Variants in DPYSL5 observed in about 807,000 individuals in gnomAD.
DPYSL5 encodes the protein dihydropyrimidinase like 5.
DPYSL5 carries 9 observed loss-of-function variants against 58.4 expected under a neutral mutation model. The observed-to-expected ratio is 0.15, with a 90% CI of 0.09 to 0.27. The LOEUF (loss-of-function observed/expected upper bound fraction) is 0.27, where lower values mean the gene tolerates loss of function less well. Among genes scored for constraint, DPYSL5 ranks in the 10% least tolerant of loss-of-function variants. The pLI is 1.00. For missense variants in DPYSL5, 499 were observed against 770.6 expected (o/e 0.65, Z 4.17); for synonymous variants, 293 against 301.9 (o/e 0.97, Z 0.31).
rs79702299 is a variant in DPYSL5 at position 26,921,990 on chromosome 2, G to C, written c.262-2897G>C. Among the ~76,000 whole-genome samples, 125 of 152,184 alleles carry C rather than the reference G, an allele frequency of 8.2e-4. 2 individuals are homozygous for C. The East Asian group carries it at 0.023, about 28-fold the overall frequency. ...TCCTGTCCTTAGACCCAGGCAAAAG[G>C]GGCCTCTTCCCAGGGCTCTGGACTT... is the stretch of plus-strand genomic sequence containing the variant. On this transcript the variant is annotated intron_variant, in intron 2 of 12. Coordinates refer to ENST00000288699, the MANE Select transcript of DPYSL5 (RefSeq NM_020134.4).
At position 26,924,749 on chromosome 2, in the gene DPYSL5, C is replaced by T. The variant is rs1227067674; in HGVS notation, c.262-138C>T. 8.0e-7 allele frequency: 1 copy of T among 1,252,976 alleles called. No homozygotes were observed. The highest frequency in any genetic ancestry group is 1.1e-6 in the Non-Finnish European group (1 of 938,538). The allele number at this position is 1,252,976 out of a possible 1,614,324, so 77.6% of individuals were successfully genotyped here. ...ACATGGCTCTTTACAGTTTCCCAAA[C>T]CTCGCTGCCCTTGGTCCTCACAGCC... On this transcript the variant is annotated intron_variant, in intron 2 of 12. Transcript: ENST00000288699. This position sits in a 1 kb window ranked among gnomAD's most constrained non-coding sequence, Gnocchi z 4.7.
chr2:26,930,975 GA>G (rs1195080886), intron 5 of DPYSL5, among the ~76,000 whole-genome samples: 1,715 of 129,564 alleles, frequency 0.013, 13 homozygotes, highest in Non-Finnish European at 0.02. Context: ...CTCCGTCTGG[GA>G]AAAAAAAAAA....
At chr2:26,853,882 T>TA (rs1004363031) in intron 1 of DPYSL5, among the ~76,000 whole-genome samples, 2 of 151,566 alleles carry the variant, frequency 1.3e-5, no homozygotes, top group African/African-American at 2.4e-5. Context: ...CTACAAAAGT[T>TA]AAAAAAAATT....
At chr2:26,932,938 C>T (rs1665068826) in intron 6 of DPYSL5, among the ~76,000 whole-genome samples, 1 of 152,144 alleles carries the variant, frequency 6.6e-6, no homozygotes, top group South Asian at 2.1e-4. Flanking sequence ...AAGAGTTCCC[C>T]CCTTTTAAAT....
chr2:26,943,767 T>C (rs1261592107), intron 11 of DPYSL5, among the ~76,000 whole-genome samples: 1 of 152,180 alleles, frequency 6.6e-6, no homozygotes, highest in African/African-American at 2.4e-5. Context: ...AGTTTACAAG[T>C]GACAGAGTTG....
At chr2:26,928,065 G>T (rs1302572110) in intron 4 of DPYSL5, among the ~76,000 whole-genome samples, 190 bp from the exon 5 acceptor site, 1 of 152,208 alleles carries the variant, frequency 6.6e-6, no homozygotes, top group Non-Finnish European at 1.5e-5. Flanking sequence ...AGAATCAGGA[G>T]AGCCCCACTG....
rs1664074177 is a variant in DPYSL5, at chr2:26,898,567, C to A, written c.68C>A (p.Thr23Asn). Reference sequence around the variant, plus strand: ...GGCAAGGTGGTGAACGATGACTGCACCCACGAGGCTGACGTCTACATCGAG... The same window carrying A: ...GGCAAGGTGGTGAACGATGACTGCAACCACGAGGCTGACGTCTACATCGAG... ...KGGKVVNDDC[T>N]HEADVYIENG... is the part of the protein sequence containing the mutation. The change falls in exon 2 of 13, where the codon ACC becomes AAC. Residue 23 changes from threonine (T) to asparagine (N), a missense_variant. This residue lies in a region of DPYSL5 where 404 missense variants were observed against 647.6 expected (regional missense o/e 0.62). Coordinates refer to ENST00000288699, the MANE Select transcript of DPYSL5 (RefSeq NM_020134.4). The surrounding 1 kb of genome is among the most constrained non-coding windows in gnomAD (Gnocchi z 6.1). 1 of 1,614,190 alleles carries A rather than the reference C, an allele frequency of 6.2e-7. No individual in the cohort carries two copies. The highest frequency in any genetic ancestry group is 8.5e-7 in the Non-Finnish European group (1 of 1,180,028).
chr2:26,869,233 G>A (rs1182383391), intron 1 of DPYSL5, among the ~76,000 whole-genome samples: 6 of 152,222 alleles, frequency 3.9e-5, no homozygotes, highest in Admixed American at 2.6e-4. Context: ...CCAAAGTGAT[G>A]TGATTACAGG....
At chr2:26,913,466 T>C (rs183374135) in intron 2 of DPYSL5, among the ~76,000 whole-genome samples, 377 of 152,334 alleles carry the variant, frequency 2.5e-3, no homozygotes, top group African/African-American at 8.7e-3. Flanking sequence ...GGCTGAATAA[T>C]ACTCCATTGT....
rs70953832 is a variant in DPYSL5, at chr2:26,888,209, T to TTTTCTTTCTTTCTTTC, written c.-4-10245_-4-10230dup. On this transcript the variant is annotated intron_variant, in intron 1 of 12. Coordinates refer to ENST00000288699, the MANE Select transcript of DPYSL5 (RefSeq NM_020134.4). The stretch of plus-strand genomic sequence containing the variant: ...CTTTTTCCTTCCTTCCTTCCCTTTC[T>TTTTCTTTCTTTCTTTC]TTTCTTTCTTTCTTTCTTTCTTTCT... 7.4e-3 allele frequency among the ~76,000 whole-genome samples: 775 copies of TTTTCTTTCTTTCTTTC among 105,088 alleles called. 10 individuals carry two copies. The highest frequency in any genetic ancestry group is 0.012 in the South Asian group (36 of 2,934). The allele number at this position is 105,088 out of a possible 152,430, so 68.9% of individuals were successfully genotyped here. A position where few individuals can be genotyped will look rare whatever the true frequency, so the allele number is the denominator to read the frequency against.
chr2:26,913,429 G>C (rs1020797250), intron 2 of DPYSL5, among the ~76,000 whole-genome samples: 2 of 152,222 alleles, frequency 1.3e-5, no homozygotes, highest in South Asian at 2.1e-4. Context: ...ATGTTGCAGC[G>C]GGTGTCAGAA....
chr2:26,947,139 T>C lies in DPYSL5; in HGVS notation c.*144T>C, dbSNP rs1665511243. The C allele has an allele frequency of 1.6e-6, 1 of 623,266 alleles. No individual in the cohort carries two copies. Among genetic ancestry groups the C allele is most frequent in the Admixed American group, 2.8e-5 (1 of 36,312 alleles). 38.6% of individuals were successfully genotyped at this position (623,266 alleles called of 1,614,324 possible). On this transcript the variant is annotated 3_prime_UTR_variant, in exon 13 of 13. Coordinates refer to ENST00000288699, the MANE Select transcript of DPYSL5 (RefSeq NM_020134.4). The surrounding 1 kb of genome is among the most constrained non-coding windows in gnomAD (Gnocchi z 4.2). ...CGGGACCCACGGAGCCCTCCCTATG[T>C]CTGCAAAGTGATTCACTGTGCTTCG...
intron 1 of DPYSL5, among the ~76,000 whole-genome samples, chr2:26,882,226 A>T (rs1041795968): frequency 6.6e-6 from 1 of 151,684 alleles, no homozygotes; most frequent in African/African-American, 2.4e-5. Context: ...TACTTGCATG[A>T]TTTTAAAGTA....
At chr2:26,856,636 G>A (rs943352697) in intron 1 of DPYSL5, among the ~76,000 whole-genome samples, 12 of 151,862 alleles carry the variant, frequency 7.9e-5, no homozygotes, top group African/African-American at 2.9e-4. Context: ...ATATACCTAG[G>A]AGTGAAATTA....
chr2:26,870,655 A>C (rs534411143), intron 1 of DPYSL5, among the ~76,000 whole-genome samples: 288 of 151,320 alleles, frequency 1.9e-3, no homozygotes, highest in Non-Finnish European at 3.5e-3. Flanking sequence ...GCAGTGAGCT[A>C]TGATCCGCCA....
At chr2:26,913,222 A>G (rs1326831679) in intron 2 of DPYSL5, among the ~76,000 whole-genome samples, 1 of 152,122 alleles carries the variant, frequency 6.6e-6, no homozygotes, top group Non-Finnish European at 1.5e-5. Context: ...CTCTCTATTG[A>G]TGAGGGTGAA....
At position 26,948,161 on chromosome 2, in the gene DPYSL5, C is replaced by CTGT. The variant is rs1404357683; in HGVS notation, c.*1167_*1169dup. On this transcript the variant is annotated 3_prime_UTR_variant, in exon 13 of 13. Transcript: ENST00000288699. ...GCTGGACAGAGACTCAGCGCTCCTC[C>CTGT]TGTGTGACTGGCAAGAGGCCTCATG... The CTGT allele has an allele frequency of 6.5e-6, 1 of 152,888 alleles. No homozygotes were observed. Among genetic ancestry groups the CTGT allele is most frequent in the African/African-American group, 2.4e-5 (1 of 41,402 alleles). 9.5% of individuals were successfully genotyped at this position (152,888 alleles called of 1,614,324 possible). A position where few individuals can be genotyped will look rare whatever the true frequency, so the allele number is the denominator to read the frequency against.
intron 1 of DPYSL5, among the ~76,000 whole-genome samples, chr2:26,861,320 G>C (rs550569611): frequency 6.6e-6 from 1 of 152,178 alleles, no homozygotes. Context: ...TGGAACTGTA[G>C]GACACAGAAG....
rs556264230 is a variant in DPYSL5 at position 26,920,332 on chromosome 2, T to G, written c.262-4555T>G. The stretch of plus-strand genomic sequence containing the variant: ...TAACTTTAAAATATTTTAAACACAT[T>G]AAGAATGGCTAAAATTTTAAATACT... On this transcript the variant is annotated intron_variant, in intron 2 of 12. Transcript: ENST00000288699. Among the ~76,000 whole-genome samples the G allele has an allele frequency of 2.0e-5, 3 of 152,346 alleles. No individual in the cohort carries two copies. The East Asian group carries it at 5.8e-4, about 29-fold the overall frequency.
Sources: allele counts gnomAD v4.1 joint callset (sites outside exome capture counted in the v4.1 genomes callset), GRCh38; gene constraint gnomAD v4.1.1; regional missense constraint gnomAD v4.1.1; non-coding constraint Gnocchi (gnomAD v3.1); transcripts MANE v1.5; gene names NCBI Gene and HGNC (gene_info 2026-07-23, HGNC 2026-07-21).